FARP1: variants seen among roughly 807,000 people sequenced by gnomAD.
The protein encoded by FARP1 is FERM, ARHGEF and pleckstrin domain-containing protein 1.
A neutral mutation model predicts 128.8 loss-of-function variants in FARP1; 52 were observed. The ratio of observed to expected loss-of-function variants is 0.40; its 90% CI spans 0.32 to 0.51. The LOEUF (loss-of-function observed/expected upper bound fraction) is 0.51. Among genes scored for constraint, FARP1 ranks in the 20% least tolerant of loss-of-function variants. The probability of loss-of-function intolerance (pLI) is 0.45; values close to 1 mark genes in which losing one functional copy is unlikely to be tolerated. For missense variants in FARP1, 1,333 were observed against 1,367.9 expected (o/e 0.97, Z 0.40); for synonymous variants, 580 against 551.8 (o/e 1.05, Z -0.72).
chr13:98,261,949 A>G (rs995123418), intron 2 of FARP1, among the ~76,000 whole-genome samples: 1 of 151,972 alleles, frequency 6.6e-6, no homozygotes, highest in Admixed American at 6.6e-5. Context: ...GGGACACCCA[A>G]TTCCTTTAAC....
chr13:98,447,537 T>C, intron 26 of FARP1: 1 of 152,486 alleles, frequency 6.6e-6, no homozygotes, highest in East Asian at 1.9e-4. Context: ...CCGTCCTGCA[T>C]TGTGCAGGAT....
intron 13 of FARP1, chr13:98,406,810 T>C (rs1489148564): frequency 1.3e-5 from 2 of 152,342 alleles, no homozygotes; most frequent in African/African-American, 2.4e-5. Flanking sequence ...GGAACCATAG[T>C]CTGTTACCTC....
At chr13:98,337,476 G>T (rs1887791656) in intron 2 of FARP1, among the ~76,000 whole-genome samples, 1 of 149,464 alleles carries the variant, frequency 6.7e-6, no homozygotes, top group Non-Finnish European at 1.5e-5. Context: ...CACATATATG[G>T]GTTTTCAAAT....
intron 2 of FARP1, among the ~76,000 whole-genome samples, chr13:98,261,409 A>T (rs1883873730): frequency 6.6e-6 from 1 of 152,098 alleles, no homozygotes; most frequent in African/African-American, 2.4e-5. Context: ...CTCCCATTGG[A>T]TGCAACCTTT....
intron 2 of FARP1, among the ~76,000 whole-genome samples, chr13:98,252,654 G>A: frequency 6.6e-6 from 1 of 152,162 alleles, no homozygotes; most frequent in Non-Finnish European, 1.5e-5. Flanking sequence ...TCTGTACTGT[G>A]TTCTTTAAAC....
At chr13:98,364,544 C>G (rs1889002452) in intron 3 of FARP1, among the ~76,000 whole-genome samples, 1 of 152,172 alleles carries the variant, frequency 6.6e-6, no homozygotes, top group Non-Finnish European at 1.5e-5. Context: ...TTCATATTTA[C>G]TTATAAAACC....
At chr13:98,246,087 C>CTTTTT (rs56274534) in intron 2 of FARP1, among the ~76,000 whole-genome samples, 1 of 36,882 alleles carries the variant, frequency 2.7e-5, no homozygotes, top group African/African-American at 1.2e-4. Context: ...GAGATAAATT[C>CTTTTT]TTTTTTTTTT....
In FARP1 at chr13:98,440,845, G is replaced by A. The variant is rs1395933452; in HGVS notation, c.2796+9G>A. Reference sequence around the variant, plus strand: ...TCAGCATCGCAGTGGAGGTACGCAGGGGCAGGGCAGCTCTGGTTCCCAGCT... The same window carrying A: ...TCAGCATCGCAGTGGAGGTACGCAGAGGCAGGGCAGCTCTGGTTCCCAGCT... On this transcript the variant is annotated intron_variant, in intron 24 of 26. Transcript: ENST00000319562. 5 of 1,588,146 alleles carry A rather than the reference G, an allele frequency of 3.1e-6. No individual in the cohort carries two copies. The highest frequency in any genetic ancestry group is 3.6e-5 in the Admixed American group (2 of 56,228).
chr13:98,274,724 A>T (rs1274021856), intron 2 of FARP1, among the ~76,000 whole-genome samples: 1 of 152,208 alleles, frequency 6.6e-6, no homozygotes, highest in Non-Finnish European at 1.5e-5. Flanking sequence ...AGAGGATTTC[A>T]GTCTAAACAT....
intron 2 of FARP1, among the ~76,000 whole-genome samples, chr13:98,216,276 GGCTGTGATGGCCCAGTCATCA>G (rs1283802935): frequency 6.6e-6 from 1 of 152,196 alleles, no homozygotes; most frequent in Non-Finnish European, 1.5e-5. Context: ...CATGGGGGCT[GGCTGTGATGGCCCAGTCATCA>G]GGGATTGGGA....
chr13:98,384,943 T>G, intron 7 of FARP1, 99 bp downstream of exon 7: 1 of 734,880 alleles, frequency 1.4e-6, no homozygotes, highest in Non-Finnish European at 2.4e-6. Flanking sequence ...CAAACTATTG[T>G]GGAGAACAAC....
At chr13:98,338,171 AGGG>A (rs1373667740) in intron 2 of FARP1, among the ~76,000 whole-genome samples, 1 of 152,186 alleles carries the variant, frequency 6.6e-6, no homozygotes, top group Non-Finnish European at 1.5e-5. Flanking sequence ...TGTGTAGTTC[AGGG>A]GCATTAAGTA....
intron 1 of FARP1, among the ~76,000 whole-genome samples, chr13:98,158,217 A>G (rs891373499): frequency 5.9e-5 from 9 of 152,252 alleles, no homozygotes; most frequent in African/African-American, 2.2e-4. Flanking sequence ...TACAATGAGA[A>G]GAGAAAACTA....
intron 2 of FARP1, among the ~76,000 whole-genome samples, chr13:98,319,341 C>A (rs1886887935): frequency 6.6e-6 from 1 of 152,004 alleles, no homozygotes; most frequent in African/African-American, 2.4e-5. Context: ...AGTTCGTCAG[C>A]CAGGTGCAGT....
chr13:98,210,935 C>T (rs1041529800), intron 1 of FARP1, among the ~76,000 whole-genome samples: 1 of 152,316 alleles, frequency 6.6e-6, no homozygotes, highest in South Asian at 2.1e-4. Context: ...TATAGCATCA[C>T]CTTTTGATTT....
chr13:98,248,793 G>A lies in FARP1; in HGVS notation c.171+35380G>A, dbSNP rs114219991. Among the ~76,000 whole-genome samples, 448 of 151,994 alleles carry A rather than the reference G, an allele frequency of 2.9e-3. 3 individuals carry two copies. Among genetic ancestry groups the A allele is most frequent in the African/African-American group, 0.01 (427 of 41,462 alleles). Reference sequence around the variant, plus strand: ...CCTTTTTGATGATCTAGTTAGTGCCGTGATTTGTTTGCGTTTTCGTGCTTT... The same window carrying A: ...CCTTTTTGATGATCTAGTTAGTGCCATGATTTGTTTGCGTTTTCGTGCTTT... On this transcript the variant is annotated intron_variant, in intron 2 of 26. Coordinates refer to ENST00000319562, the MANE Select transcript of FARP1 (RefSeq NM_005766.4).
chr13:98,332,706 A>C (rs1359419434), intron 2 of FARP1: 2 of 152,216 alleles, frequency 1.3e-5, no homozygotes, highest in Non-Finnish European at 2.9e-5. Flanking sequence ...ATTTGAAAAA[A>C]ATGTTAAAAA....
At chr13:98,389,300 C>G (rs1199566306) in intron 9 of FARP1, among the ~76,000 whole-genome samples, 1 of 152,174 alleles carries the variant, frequency 6.6e-6, no homozygotes, top group Non-Finnish European at 1.5e-5. Context: ...ACTGTGAGAT[C>G]CCCCAAAATA....
At chr13:98,312,765 C>G (rs998574512) in intron 2 of FARP1, among the ~76,000 whole-genome samples, 1 of 152,146 alleles carries the variant, frequency 6.6e-6, no homozygotes, top group African/African-American at 2.4e-5. Flanking sequence ...ACCATCACAA[C>G]AGAGCCGCGG....
Sources: gnomAD v4.1 joint callset for allele counts (sites outside exome capture counted in the v4.1 genomes callset) on GRCh38, gnomAD v4.1.1 for gene constraint, MANE v1.5 for transcripts, NCBI Gene and HGNC (gene_info 2026-07-23, HGNC 2026-07-21) for gene names.